Variants in OPHN1 observed in about 807,000 individuals in gnomAD.
OPHN1 encodes the protein oligophrenin-1.
Under a neutral mutation model 60.7 loss-of-function variants are expected in OPHN1, and 11 were observed. The ratio of observed to expected loss-of-function variants is 0.18; its 90% CI spans 0.11 to 0.30. The LOEUF (loss-of-function observed/expected upper bound fraction) is 0.30. Ranked by LOEUF, OPHN1 falls within the 10% of genes least tolerant of loss-of-function variation. The pLI, the probability that OPHN1 is intolerant of heterozygous loss-of-function variation, is 1.00. For synonymous variants in OPHN1, 226 were observed against 222.6 expected (o/e 1.02, Z -0.14); for missense variants, 449 against 611.0 (o/e 0.73, Z 2.80).
chrX:68,275,990 T>C (rs1197770420), intron 4 of OPHN1, among the ~76,000 whole-genome samples: 1 of 111,043 alleles, frequency 9.0e-6, no homozygotes, highest in African/African-American at 3.3e-5. Flanking sequence ...CCTAATGCTA[T>C]CATCCAGGAC....
At chrX:68,194,035 G>T (rs1236923422) in intron 13 of OPHN1, 83 bp from the exon 14 acceptor site, 10 of 819,473 alleles carry the variant, frequency 1.2e-5, no homozygotes, top group Non-Finnish European at 1.8e-5. Context: ...CAAAGGGACT[G>T]CATTGAGAGA....
At chrX:68,097,102 G>T in intron 18 of OPHN1, 73 bp from the exon 19 acceptor site, 1 of 1,010,345 alleles carries the variant, frequency 9.9e-7, no homozygotes, top group Non-Finnish European at 1.3e-6. Flanking sequence ...TGTTTTAGGT[G>T]CTGTAGAGGG....
At chrX:68,327,797 TA>T (rs35324033) in intron 2 of OPHN1, among the ~76,000 whole-genome samples, 22,919 of 67,206 alleles carry the variant, frequency 0.34, 4,130 homozygotes, top group African/African-American at 0.64. Flanking sequence ...ATAAAAAAAA[TA>T]AAAAAAAAAA....
chrX:68,114,142 A>T (rs1303979006), intron 16 of OPHN1, among the ~76,000 whole-genome samples: 1 of 110,799 alleles, frequency 9.0e-6, no homozygotes, highest in Non-Finnish European at 1.9e-5. Context: ...GACAAGTACG[A>T]TGACAAAATA....
chrX:68,159,044 A>G (rs1459646298), intron 15 of OPHN1, among the ~76,000 whole-genome samples: 1 of 111,132 alleles, frequency 9.0e-6, no homozygotes, highest in Admixed American at 9.6e-5. Flanking sequence ...GAAGGATGAC[A>G]CTGTCCCCAC....
chrX:68,159,823 C>CA (rs1343632089), intron 15 of OPHN1, among the ~76,000 whole-genome samples: 2 of 110,191 alleles, frequency 1.8e-5, no homozygotes, highest in African/African-American at 6.6e-5. Flanking sequence ...AATGTTACAA[C>CA]AAAAAATTTC....
chrX:68,361,278 G>A (rs948026769), intron 2 of OPHN1: 3 of 110,165 alleles, frequency 2.7e-5, no homozygotes, highest in Admixed American at 9.8e-5. Context: ...TAATGAGTTC[G>A]AGACCAGCTT....
At chrX:68,186,834 A>T (rs748037678) in intron 15 of OPHN1, among the ~76,000 whole-genome samples, 1 of 111,377 alleles carries the variant, frequency 9.0e-6, no homozygotes, top group Admixed American at 9.6e-5. Context: ...TATTTATCCC[A>T]TTCATGAAGG....
intron 5 of OPHN1, among the ~76,000 whole-genome samples, chrX:68,235,063 T>A (rs2077746274): frequency 8.9e-6 from 1 of 112,067 alleles, no homozygotes; most frequent in Non-Finnish European, 1.9e-5. Flanking sequence ...TGGGATTGTC[T>A]CTTTTTAATA....
At chrX:68,062,495 C>T (rs1173337517) in intron 21 of OPHN1, among the ~76,000 whole-genome samples, 4 of 112,021 alleles carry the variant, frequency 3.6e-5, no homozygotes, top group Non-Finnish European at 7.5e-5. Context: ...AGCTTACAGG[C>T]TATATAAAAA....
intron 15 of OPHN1, among the ~76,000 whole-genome samples, chrX:68,126,077 G>T (rs930658582): frequency 9.5e-6 from 1 of 105,607 alleles, no homozygotes; most frequent in African/African-American, 3.4e-5. Context: ...TGCAAGGATG[G>T]TTCAACATAC....
At chrX:68,244,964 T>C (rs890972912) in intron 5 of OPHN1, among the ~76,000 whole-genome samples, 1 of 111,578 alleles carries the variant, frequency 9.0e-6, no homozygotes, top group African/African-American at 3.3e-5. Flanking sequence ...CTCGACAATA[T>C]ACTAGGTTAT....
chrX:68,216,460 A>C, intron 6 of OPHN1, among the ~76,000 whole-genome samples: 1 of 111,240 alleles, frequency 9.0e-6, no homozygotes, highest in Non-Finnish European at 1.9e-5. Context: ...ACAAAAATTA[A>C]GAGCCAACTA....
At chrX:68,212,014 T>G (rs952492737) in intron 8 of OPHN1, 94 bp downstream of exon 8, 2 of 583,781 alleles carry the variant, frequency 3.4e-6, no homozygotes, top group African/African-American at 4.5e-5. Flanking sequence ...TTGGCTAGGA[T>G]GCAGTAACCT....
At chrX:68,149,839 A>G (rs1434230504) in intron 15 of OPHN1, among the ~76,000 whole-genome samples, 2 of 111,679 alleles carry the variant, frequency 1.8e-5, no homozygotes, top group African/African-American at 6.5e-5. Flanking sequence ...TCAAACAAGT[A>G]CATGGACATT....
At chrX:68,112,991 T>C (rs1036539127) in intron 17 of OPHN1, among the ~76,000 whole-genome samples, 190 bp downstream of exon 17, 1 of 112,059 alleles carries the variant, frequency 8.9e-6, no homozygotes, top group African/African-American at 3.2e-5. Flanking sequence ...ACACTAATTA[T>C]GAAAAATAAT....
intron 20 of OPHN1, among the ~76,000 whole-genome samples, chrX:68,067,124 C>T (rs1332908788): frequency 9.0e-6 from 1 of 111,725 alleles, no homozygotes; most frequent in African/African-American, 3.3e-5. Flanking sequence ...CATGTAGATT[C>T]ATGCAAATAA....
chrX:68,201,582 C>T, intron 11 of OPHN1, 37 bp downstream of exon 11: 3 of 1,103,312 alleles, frequency 2.7e-6, no homozygotes, highest in South Asian at 1.8e-5. Context: ...GCATCTGGCA[C>T]GTGGGGACAT....
intron 7 of OPHN1, among the ~76,000 whole-genome samples, chrX:68,213,548 G>C (rs73530464): frequency 9.2e-5 from 10 of 108,626 alleles, no homozygotes; most frequent in African/African-American, 3.4e-4. Context: ...TTCTGAAAGC[G>C]CAAGAAGAAG....
Sources: gnomAD v4.1 joint callset for allele counts (sites outside exome capture counted in the v4.1 genomes callset) on GRCh38, gnomAD v4.1.1 for gene constraint, MANE v1.5 for transcripts, NCBI Gene and HGNC (gene_info 2026-07-23, HGNC 2026-07-21) for gene names.